The following GALNT17 variants were observed in gnomAD, a reference collection of about 807,000 sequenced individuals.
GALNT17 encodes the protein UDP-GalNAc:polypeptide N-acetylgalactosaminyltransferase-like 3.
In GALNT17, 29 loss-of-function variants were observed where a neutral mutation model predicts 63.7. That is an observed-to-expected ratio of 0.46 (90% CI 0.34 to 0.62). GALNT17 has a LOEUF of 0.62. GALNT17 is among the 20% of genes least tolerant of loss of function. The probability of loss-of-function intolerance (pLI) is 0.01; values close to 1 mark genes in which losing one functional copy is unlikely to be tolerated. For missense variants in GALNT17, 603 were observed against 799.6 expected, an observed-to-expected ratio of 0.75 and a Z score of 2.97; for synonymous variants, 305 against 318.3, an observed-to-expected ratio of 0.96 and a Z score of 0.45.
chr7:71,376,727 G>A lies in GALNT17; in HGVS notation c.423-11508G>A, dbSNP rs1038173281. 3.9e-5 allele frequency among the ~76,000 whole-genome samples: 6 copies of A among 151,906 alleles called. No individual in the cohort carries two copies. In the East Asian group the frequency reaches 1.2e-3, roughly 30 times the overall value. On this transcript the variant is annotated intron_variant, in intron 2 of 10. Transcript: ENST00000333538. ...GGCACTTTGGGAGGCCCAGGCAAGA[G>A]GATTGATTGAGACTAGGAGTTCAAG...
rs527578764 is a variant in GALNT17, at chr7:71,162,123, C to CCCTTCCTTCCTTCCTTCCTT, written c.238+29111_238+29130dup. ...TCCCTTCCTTCCTCCCTCCCTCCCT[C>CCCTTCCTTCCTTCCTTCCTT]CCTTCCTTCCTTCCTTCCTTCCTTC... On this transcript the variant is annotated intron_variant, in intron 1 of 10. Coordinates refer to ENST00000333538, the MANE Select transcript of GALNT17 (RefSeq NM_022479.3). 3.2e-3 allele frequency among the ~76,000 whole-genome samples: 173 copies of CCCTTCCTTCCTTCCTTCCTT among 53,768 alleles called. 4 individuals carry two copies. The highest frequency in any genetic ancestry group is 0.015 in the African/African-American group (117 of 8,042). The allele number at this position is 53,768 out of a possible 152,430, so 35.3% of individuals were successfully genotyped here. A position where few individuals can be genotyped will look rare whatever the true frequency, so the allele number is the denominator to read the frequency against.
intron 1 of GALNT17, among the ~76,000 whole-genome samples, chr7:71,194,701 A>T (rs1026361064): frequency 6.6e-6 from 1 of 152,130 alleles, no homozygotes; most frequent in Non-Finnish European, 1.5e-5. Flanking sequence ...GGGTTCTTGG[A>T]TATGATCTTC....
chr7:71,282,189 G>C (rs1790790217), intron 1 of GALNT17, among the ~76,000 whole-genome samples: 2 of 152,198 alleles, frequency 1.3e-5, no homozygotes, highest in Non-Finnish European at 2.9e-5. Flanking sequence ...GAACGAAAAA[G>C]CTCAGACAAA....
chr7:71,350,637 C>T (rs1260747850), intron 2 of GALNT17, among the ~76,000 whole-genome samples: 1 of 151,814 alleles, frequency 6.6e-6, no homozygotes, highest in Non-Finnish European at 1.5e-5. Flanking sequence ...TTAAAGTATC[C>T]AGGAGATGTG....
chr7:71,593,638 C>T (rs2116921652), intron 6 of GALNT17, among the ~76,000 whole-genome samples: 1 of 152,278 alleles, frequency 6.6e-6, no homozygotes, highest in South Asian at 2.1e-4. Context: ...GGAACTTCTT[C>T]AATGGAGACC....
intron 1 of GALNT17, among the ~76,000 whole-genome samples, chr7:71,204,154 A>T (rs1789225023): frequency 6.6e-6 from 1 of 152,038 alleles, no homozygotes; most frequent in Non-Finnish European, 1.5e-5. Flanking sequence ...TTTATTAGAG[A>T]CTGTCCCTTA....
At position 71,370,891 on chromosome 7, in the gene GALNT17, C is replaced by G. The variant is rs533539995; in HGVS notation, c.423-17344C>G. On this transcript the variant is annotated intron_variant, in intron 2 of 10. Coordinates refer to ENST00000333538, the MANE Select transcript of GALNT17 (RefSeq NM_022479.3). ...AAAGTGCTGAGATTACAGGCATGAA[C>G]CACTGTGCCTCGTCTGACTTTATGT... is the stretch of plus-strand genomic sequence containing the variant. Among the ~76,000 whole-genome samples, 243 of 151,918 alleles carry G rather than the reference C, an allele frequency of 1.6e-3. 8 individuals carry two copies. The South Asian group carries it at 0.05, about 31-fold the overall frequency.
chr7:71,245,425 A>G (rs543588114), intron 1 of GALNT17, among the ~76,000 whole-genome samples: 2 of 152,206 alleles, frequency 1.3e-5, no homozygotes, highest in Non-Finnish European at 2.9e-5. Context: ...GGAGTAGTCT[A>G]TGCTCATGGT....
At chr7:71,348,636 A>G (rs1792136933) in intron 2 of GALNT17, among the ~76,000 whole-genome samples, 2 of 152,244 alleles carry the variant, frequency 1.3e-5, no homozygotes. Flanking sequence ...GCTATGGGAC[A>G]TGGAATTCGC....
chr7:71,418,302 A>G (rs1328823630), intron 4 of GALNT17, among the ~76,000 whole-genome samples: 3 of 152,146 alleles, frequency 2.0e-5, no homozygotes, highest in East Asian at 1.9e-4. Flanking sequence ...GTGGCATAGA[A>G]CCCTCTCTGA....
intron 1 of GALNT17, among the ~76,000 whole-genome samples, chr7:71,266,319 G>C (rs934432793): frequency 1.3e-5 from 2 of 152,116 alleles, no homozygotes; most frequent in Non-Finnish European, 2.9e-5. Context: ...GAGGGGCCTG[G>C]TGGGATGTGA....
intron 3 of GALNT17, among the ~76,000 whole-genome samples, chr7:71,400,153 C>T (rs1006052695): frequency 2.0e-5 from 3 of 151,878 alleles, no homozygotes; most frequent in African/African-American, 7.3e-5. Context: ...CTCCCCTTGT[C>T]CCCCACCCCC....
intron 1 of GALNT17, among the ~76,000 whole-genome samples, chr7:71,206,670 G>A (rs1789277680): frequency 6.6e-6 from 1 of 152,088 alleles, no homozygotes; most frequent in South Asian, 2.1e-4. Context: ...CCAAGACGGT[G>A]GGTTTCTAGT....
chr7:71,672,983 T>G (rs1791092597), intron 8 of GALNT17, among the ~76,000 whole-genome samples: 1 of 135,794 alleles, frequency 7.4e-6, no homozygotes, highest in South Asian at 2.4e-4. Context: ...AATAAAAAAT[T>G]AAATACACAG....
chr7:71,520,637 TC>T (rs1164478932), intron 5 of GALNT17, among the ~76,000 whole-genome samples: 2 of 152,022 alleles, frequency 1.3e-5, no homozygotes, highest in African/African-American at 4.8e-5. Flanking sequence ...AAAACATACT[TC>T]CATGGATGAT....
At chr7:71,666,054 A>T (rs1290872847) in intron 7 of GALNT17, among the ~76,000 whole-genome samples, 1 of 152,112 alleles carries the variant, frequency 6.6e-6, no homozygotes, top group Non-Finnish European at 1.5e-5. Context: ...GGCCCAAGGA[A>T]ATTTCCATGT....
chr7:71,183,078 C>G (rs902081247), intron 1 of GALNT17, among the ~76,000 whole-genome samples: 14 of 152,192 alleles, frequency 9.2e-5, no homozygotes, highest in African/African-American at 3.4e-4. Context: ...ATTTCATGAC[C>G]CAGATGTGCA....
chr7:71,221,128 C>T (rs1017859937), intron 1 of GALNT17, among the ~76,000 whole-genome samples: 2 of 152,114 alleles, frequency 1.3e-5, no homozygotes, highest in Non-Finnish European at 2.9e-5. Context: ...TTGCCCTTTT[C>T]TGTGCCTGGG....
At chr7:71,400,637 A>G (rs919036372) in intron 3 of GALNT17, among the ~76,000 whole-genome samples, 1 of 152,246 alleles carries the variant, frequency 6.6e-6, no homozygotes, top group South Asian at 2.1e-4. Context: ...ATATTTTTAT[A>G]TAAAGTGTAA....
Sources: allele counts gnomAD v4.1 joint callset (sites outside exome capture counted in the v4.1 genomes callset), GRCh38; gene constraint gnomAD v4.1.1; transcripts MANE v1.5; gene names NCBI Gene and HGNC (gene_info 2026-07-23, HGNC 2026-07-21).